PRKCE: variants seen among roughly 807,000 people sequenced by gnomAD.
PRKCE encodes protein kinase C epsilon.
PRKCE carries 16 observed loss-of-function variants against 85.4 expected under a neutral mutation model. The ratio of observed to expected loss-of-function variants is 0.19; its 90% CI spans 0.13 to 0.28. The LOEUF (loss-of-function observed/expected upper bound fraction) is 0.28, where lower values mean the gene tolerates loss of function less well. Among genes scored for constraint, PRKCE ranks in the 10% least tolerant of loss-of-function variants. PRKCE has a pLI of 1.00. For missense variants in PRKCE, 573 were observed against 975.2 expected, an observed-to-expected ratio of 0.59 and a Z score of 5.49; for synonymous variants, 388 against 371.5, an observed-to-expected ratio of 1.04 and a Z score of -0.51.
At chr2:45,976,019 A>G (rs921016507) in intron 2 of PRKCE, among the ~76,000 whole-genome samples, 1 of 152,148 alleles carries the variant, frequency 6.6e-6, no homozygotes, top group Non-Finnish European at 1.5e-5. Flanking sequence ...ACAAAGGGAG[A>G]TGCGCTCAGA....
intron 2 of PRKCE, among the ~76,000 whole-genome samples, chr2:45,882,169 A>G (rs1191308428): frequency 3.3e-5 from 5 of 152,190 alleles, no homozygotes; most frequent in Non-Finnish European, 7.3e-5. Context: ...TCATGATGTC[A>G]TAGCTAATAT....
At chr2:46,014,779 T>C (rs372519446) in intron 10 of PRKCE, among the ~76,000 whole-genome samples, 33 of 152,208 alleles carry the variant, frequency 2.2e-4, no homozygotes, top group African/African-American at 7.5e-4. Context: ...GAAGGTTTCC[T>C]GATGGAGGTA....
intron 1 of PRKCE, among the ~76,000 whole-genome samples, chr2:45,712,436 A>G (rs1679743976): frequency 6.6e-6 from 1 of 151,998 alleles, no homozygotes; most frequent in Admixed American, 6.5e-5. Flanking sequence ...GATTACAGGC[A>G]TGAGTCACTG....
rs1696053551 is a variant in PRKCE, at chr2:45,895,323, T to C, written c.412+52260T>C. Among the ~76,000 whole-genome samples the C allele has an allele frequency of 1.3e-5, 2 of 152,158 alleles. No homozygotes were observed. The highest frequency in any genetic ancestry group is 2.9e-5 in the Non-Finnish European group (2 of 68,026). ...GTACCTCTCCATCCACAGTGACTTATATGGACTTAAGGGAGTTTCAGTCGG... is the reference window on the plus strand; with the variant it reads ...GTACCTCTCCATCCACAGTGACTTACATGGACTTAAGGGAGTTTCAGTCGG... On this transcript the variant is annotated intron_variant, in intron 2 of 14. Coordinates refer to ENST00000306156, the MANE Select transcript of PRKCE (RefSeq NM_005400.3). The surrounding 1 kb of genome is among the most constrained non-coding windows in gnomAD (Gnocchi z 4.8).
intron 1 of PRKCE, among the ~76,000 whole-genome samples, chr2:45,716,040 G>T (rs1243256501): frequency 6.6e-6 from 1 of 152,150 alleles, no homozygotes; most frequent in African/African-American, 2.4e-5. Flanking sequence ...TCGCTTCCAA[G>T]GTGCTTTTGA....
At position 46,086,464 on chromosome 2, in the gene PRKCE, C is replaced by T. The variant is rs898206491; in HGVS notation, c.1592+102C>T. The T allele has an allele frequency of 3.6e-6, 5 of 1,371,396 alleles. No individual in the cohort carries two copies. The African/African-American group carries it at 5.8e-5, about 16-fold the overall frequency. 85.0% of individuals were successfully genotyped at this position (1,371,396 alleles called of 1,614,324 possible). ...TCCTGCCCACTCGTCTCTTAGCAAC[C>T]TGCTTTAGATTAGTTGTTTGTTCCA... On this transcript the variant is annotated intron_variant, in intron 11 of 14. Transcript: ENST00000306156.
At chr2:45,822,636 A>G (rs1689629019) in intron 1 of PRKCE, among the ~76,000 whole-genome samples, 1 of 152,172 alleles carries the variant, frequency 6.6e-6, no homozygotes, top group Non-Finnish European at 1.5e-5. Flanking sequence ...CACCTGGGTA[A>G]CTAAGAACAG....
chr2:45,828,847 G>C (rs1337389815), intron 1 of PRKCE, among the ~76,000 whole-genome samples: 1 of 151,952 alleles, frequency 6.6e-6, no homozygotes, highest in Non-Finnish European at 1.5e-5. Flanking sequence ...TACTTAAAAA[G>C]AAAAAAATTA....
intron 2 of PRKCE, among the ~76,000 whole-genome samples, chr2:45,944,331 A>G (rs1171799102): frequency 6.6e-6 from 1 of 152,218 alleles, no homozygotes; most frequent in African/African-American, 2.4e-5. Flanking sequence ...TTCCTTATGC[A>G]TGAGCTCTAC....
rs937048923 is a variant in PRKCE at position 45,895,057 on chromosome 2, A to G, written c.412+51994A>G. On this transcript the variant is annotated intron_variant, in intron 2 of 14. Transcript: ENST00000306156. The surrounding 1 kb of genome is among the most constrained non-coding windows in gnomAD (Gnocchi z 4.8). Reference sequence around the variant, plus strand: ...TTGAGTGAACACATAAATGTCATCAATGATTCCGTCTCTACCTGGGTAAAC... The same window carrying G: ...TTGAGTGAACACATAAATGTCATCAGTGATTCCGTCTCTACCTGGGTAAAC... Among the ~76,000 whole-genome samples, 5 of 152,322 alleles carry G rather than the reference A, an allele frequency of 3.3e-5. No homozygotes were observed. The highest frequency in any genetic ancestry group is 3.4e-3 in the Middle Eastern group (1 of 294).
At chr2:46,154,951 G>C (rs909291317) in intron 13 of PRKCE, among the ~76,000 whole-genome samples, 1 of 152,158 alleles carries the variant, frequency 6.6e-6, no homozygotes, top group African/African-American at 2.4e-5. Flanking sequence ...TGAGAACAGT[G>C]CCAAGCACAT....
Position 45,878,817 on chromosome 2 carries a change from C to T in PRKCE, c.412+35754C>T, listed in dbSNP as rs138418972. ...TTAAAAGATGCACTTATTTTTCTGT[C>T]TGTTTCATTAGTGTTTGCTCCATTT... On this transcript the variant is annotated intron_variant, in intron 2 of 14. Coordinates refer to ENST00000306156, the MANE Select transcript of PRKCE (RefSeq NM_005400.3). 1.6e-3 allele frequency among the ~76,000 whole-genome samples: 243 copies of T among 152,262 alleles called. 1 individual carries two copies. The highest frequency in any genetic ancestry group is 5.7e-3 in the African/African-American group (238 of 41,550).
chr2:45,920,831 A>G (rs1046885960), intron 2 of PRKCE, among the ~76,000 whole-genome samples: 5 of 152,232 alleles, frequency 3.3e-5, no homozygotes, highest in African/African-American at 1.2e-4. Context: ...ATCTCTGAAT[A>G]TACTAAAACA....
At chr2:45,929,889 C>T (rs989013686) in intron 2 of PRKCE, among the ~76,000 whole-genome samples, 6 of 152,118 alleles carry the variant, frequency 3.9e-5, no homozygotes, top group Admixed American at 6.5e-5. Flanking sequence ...ATGAGCACCT[C>T]GAGGGCAGGG....
intron 1 of PRKCE, among the ~76,000 whole-genome samples, chr2:45,842,455 C>T (rs893580942): frequency 2.6e-5 from 4 of 152,076 alleles, no homozygotes; most frequent in Non-Finnish European, 1.5e-5. Flanking sequence ...CTCTTATTTC[C>T]CCTGGGAGCA....
intron 11 of PRKCE, among the ~76,000 whole-genome samples, chr2:46,137,593 T>G (rs1574569577): frequency 7.0e-6 from 1 of 143,776 alleles, no homozygotes; most frequent in Admixed American, 6.9e-5. Flanking sequence ...TCTACTAAAA[T>G]TACAAAAAAA....
At chr2:45,926,352 T>C (rs1698613526) in intron 2 of PRKCE, among the ~76,000 whole-genome samples, 1 of 152,220 alleles carries the variant, frequency 6.6e-6, no homozygotes, top group Non-Finnish European at 1.5e-5. Context: ...TAAAAGCCTT[T>C]CACAAGTAGG....
chr2:45,742,885 C>G (rs1682695482), intron 1 of PRKCE, among the ~76,000 whole-genome samples: 1 of 152,096 alleles, frequency 6.6e-6, no homozygotes. Flanking sequence ...ATGGAAACAA[C>G]CTAAGTGTCT....
intron 1 of PRKCE, among the ~76,000 whole-genome samples, chr2:45,755,909 C>T (rs893081121): frequency 7.9e-5 from 12 of 152,118 alleles, no homozygotes; most frequent in Non-Finnish European, 1.5e-4. Context: ...GGTTGGCACT[C>T]GGAGAATTGG....
Sources: allele counts gnomAD v4.1 joint callset (sites outside exome capture counted in the v4.1 genomes callset), GRCh38; gene constraint gnomAD v4.1.1; non-coding constraint Gnocchi (gnomAD v3.1); transcripts MANE v1.5; gene names NCBI Gene and HGNC (gene_info 2026-07-23, HGNC 2026-07-21).